Variants in FAM118B observed in about 807,000 individuals in gnomAD.
FAM118B encodes the protein SIR2 antiphage like 1, also known as protein FAM118B.
FAM118B carries 24 observed loss-of-function variants against 38.5 expected under a neutral mutation model. The ratio of observed to expected loss-of-function variants is 0.62; its 90% CI spans 0.45 to 0.88. The LOEUF (loss-of-function observed/expected upper bound fraction) is 0.88. Ranked by LOEUF, FAM118B falls within the 40% of genes least tolerant of loss-of-function variation. The pLI is 0.00. For synonymous variants in FAM118B, 138 were observed against 156.3 expected, an observed-to-expected ratio of 0.88 and a Z score of 0.87; for missense variants, 334 against 420.0, an observed-to-expected ratio of 0.80 and a Z score of 1.79.
Position 126,254,288 on chromosome 11 carries a change from A to G in FAM118B, c.568-17A>G. On this transcript the variant is annotated splice_polypyrimidine_tract_variant and intron_variant, in intron 5 of 8. Coordinates refer to ENST00000533050, the MANE Select transcript of FAM118B (RefSeq NM_024556.4). The stretch of plus-strand genomic sequence containing the variant: ...TCAGCCCTGCCAAGCTGGTTGGGCT[A>G]TATGTGTGTTGTGCAGGTCCTCGAG... The G allele has an allele frequency of 6.2e-7, 1 of 1,612,706 alleles. No homozygotes were observed. Among genetic ancestry groups the G allele is most frequent in the East Asian group, 2.2e-5 (1 of 44,864 alleles).
At position 126,220,849 on chromosome 11, in the gene FAM118B, A is replaced by G. The variant is rs547618974; in HGVS notation, c.-76-8376A>G. The stretch of plus-strand genomic sequence containing the variant: ...TTAAGAGCTTTCAGATTCTTATTTC[A>G]GATCTAAACAGTGCTTTTCAGCTCT... On this transcript the variant is annotated intron_variant, in intron 1 of 8. Coordinates refer to ENST00000533050, the MANE Select transcript of FAM118B (RefSeq NM_024556.4). Among the ~76,000 whole-genome samples the G allele has an allele frequency of 2.0e-5, 3 of 151,814 alleles. No individual in the cohort carries two copies. In the South Asian group the frequency reaches 6.2e-4, roughly 32 times the overall value.
chr11:126,246,671 G>T (rs1458120340), intron 4 of FAM118B, among the ~76,000 whole-genome samples: 1 of 151,902 alleles, frequency 6.6e-6, no homozygotes, highest in Non-Finnish European at 1.5e-5. Flanking sequence ...TGAACTCCTG[G>T]GCTCAAGTGA....
chr11:126,240,068 C>A (rs1410346213), intron 3 of FAM118B, among the ~76,000 whole-genome samples: 1 of 152,050 alleles, frequency 6.6e-6, no homozygotes, highest in Non-Finnish European at 1.5e-5. Context: ...GGGATAGTCT[C>A]CAGAATGAAA....
At chr11:126,249,731 C>CA (rs71048775) in intron 4 of FAM118B, among the ~76,000 whole-genome samples, 26,177 of 78,692 alleles carry the variant, frequency 0.33, 4,602 homozygotes, top group East Asian at 0.55. Flanking sequence ...GACTCCGTCT[C>CA]AAAAAAAAAA....
At chr11:126,261,520 T>C (rs1286339292) in intron 8 of FAM118B, 36 bp downstream of exon 8, 1 of 1,549,630 alleles carries the variant, frequency 6.5e-7, no homozygotes, top group Non-Finnish European at 8.9e-7. Context: ...TATCACTCTG[T>C]AGCAGAAAGT....
Position 126,250,851 on chromosome 11 carries a change from C to A in FAM118B, c.567+118C>A. Reference sequence around the variant, plus strand: ...AGAGCTAGAAAGGAAAAATTTTTTCCCTGGTTGGAGTTTTTGTTTTTCTTT... The same window carrying A: ...AGAGCTAGAAAGGAAAAATTTTTTCACTGGTTGGAGTTTTTGTTTTTCTTT... On this transcript the variant is annotated intron_variant, in intron 5 of 8. Transcript: ENST00000533050. This position sits in a 1 kb window ranked among gnomAD's most constrained non-coding sequence, Gnocchi z 5.1. 1 of 723,580 alleles carries A rather than the reference C, an allele frequency of 1.4e-6. No homozygotes were observed. 44.8% of individuals were successfully genotyped at this position (723,580 alleles called of 1,614,324 possible). A position where few individuals can be genotyped will look rare whatever the true frequency, so the allele number is the denominator to read the frequency against.
intron 7 of FAM118B, among the ~76,000 whole-genome samples, chr11:126,259,720 C>T (rs1184040847): frequency 2.3e-5 from 3 of 128,912 alleles, no homozygotes; most frequent in African/African-American, 3.0e-5. Context: ...CCACCATGCC[C>T]GGGCCTATTT....
In FAM118B at chr11:126,211,849, C is replaced by T. The variant is rs1159078460; in HGVS notation, c.-77+19C>T. 17 of 560,522 alleles carry T rather than the reference C, an allele frequency of 3.0e-5. No individual in the cohort carries two copies. Among genetic ancestry groups the T allele is most frequent in the Non-Finnish European group, 5.0e-5 (16 of 319,102 alleles). The allele number at this position is 560,522 out of a possible 1,614,324, so 34.7% of individuals were successfully genotyped here. A position where few individuals can be genotyped will look rare whatever the true frequency, so the allele number is the denominator to read the frequency against. ...AGACTCGGTGAGTGTGTAGGGAAGC[C>T]GGGCTGGGGCTGGGAAATGCCGGTG... On this transcript the variant is annotated intron_variant, in intron 1 of 8. Coordinates refer to ENST00000533050, the MANE Select transcript of FAM118B (RefSeq NM_024556.4).
At chr11:126,258,586 G>C (rs1453405996) in intron 7 of FAM118B, among the ~76,000 whole-genome samples, 2 of 152,126 alleles carry the variant, frequency 1.3e-5, no homozygotes, top group Non-Finnish European at 2.9e-5. Context: ...TCTCATTTGT[G>C]AAAACTATTT....
rs670154 is a variant in FAM118B, at chr11:126,253,963, A to G, written c.568-342A>G. On this transcript the variant is annotated intron_variant, in intron 5 of 8. Coordinates refer to ENST00000533050, the MANE Select transcript of FAM118B (RefSeq NM_024556.4). The surrounding 1 kb of genome is among the most constrained non-coding windows in gnomAD (Gnocchi z 5.1). ...AGAGGGGCCACACAAGGGCCTGGAT[A>G]CAGAGGCTTGATTTCTTGGGGCGAT... Among the ~76,000 whole-genome samples the G allele has an allele frequency of 0.56, 85,530 of 152,040 alleles. 24,486 individuals carry two copies. The highest frequency in any genetic ancestry group is 0.81 in the East Asian group (4,182 of 5,166).
intron 7 of FAM118B, chr11:126,261,223 G>T: frequency 3.5e-6 from 2 of 565,464 alleles, no homozygotes; most frequent in Non-Finnish European, 6.3e-6. Flanking sequence ...GAAACTCACT[G>T]CTTCCCTGTT....
rs992198382 is a variant in FAM118B at position 126,255,051 on chromosome 11, C to T, written c.696+618C>T. Among the ~76,000 whole-genome samples, 6 of 152,124 alleles carry T rather than the reference C, an allele frequency of 3.9e-5. No homozygotes were observed. The highest frequency in any genetic ancestry group is 7.3e-5 in the Non-Finnish European group (5 of 68,032). Reference sequence around the variant, plus strand: ...ATCATCATTTGGTTTATTAATAGCCCTCTCTGTGTCAGAAATAATTGAGGC... The same window carrying T: ...ATCATCATTTGGTTTATTAATAGCCTTCTCTGTGTCAGAAATAATTGAGGC... On this transcript the variant is annotated intron_variant, in intron 6 of 8. Coordinates refer to ENST00000533050, the MANE Select transcript of FAM118B (RefSeq NM_024556.4). The surrounding 1 kb of genome is among the most constrained non-coding windows in gnomAD (Gnocchi z 4.6).
chr11:126,233,709 G>C (rs1225774274), intron 2 of FAM118B: 1 of 456,390 alleles, frequency 2.2e-6, no homozygotes, highest in African/African-American at 2.0e-5. Context: ...CACTGCGTGT[G>C]ATGGACTATG....
At chr11:126,220,913 G>C (rs1030618860) in intron 1 of FAM118B, among the ~76,000 whole-genome samples, 1 of 151,942 alleles carries the variant, frequency 6.6e-6, no homozygotes, top group South Asian at 2.1e-4. Context: ...TAGGCCGGGC[G>C]CAGTGGCTCA....
intron 7 of FAM118B, among the ~76,000 whole-genome samples, chr11:126,258,069 C>T (rs1324992927): frequency 6.6e-6 from 1 of 152,138 alleles, no homozygotes; most frequent in Non-Finnish European, 1.5e-5. Flanking sequence ...TTCCTGAAAA[C>T]TTATGTAAGT....
intron 4 of FAM118B, among the ~76,000 whole-genome samples, chr11:126,246,739 T>C (rs1241293873): frequency 6.6e-6 from 1 of 152,074 alleles, no homozygotes; most frequent in Non-Finnish European, 1.5e-5. Context: ...CCATGCCAAT[T>C]TTTTGTTTCT....
In FAM118B at chr11:126,256,640, C is replaced by CT. The variant is rs1395794338; in HGVS notation, c.773dup (p.Gln259ProfsTer11). 1.1e-5 allele frequency: 17 copies of CT among 1,614,088 alleles called. No individual in the cohort carries two copies. Among genetic ancestry groups the CT allele is most frequent in the Non-Finnish European group, 1.4e-5 (16 of 1,180,042 alleles). On this transcript the variant is annotated frameshift_variant, in exon 7 of 9. Coordinates refer to ENST00000533050, the MANE Select transcript of FAM118B (RefSeq NM_024556.4). LOFTEE classifies it high-confidence loss of function. This position sits in a 1 kb window ranked among gnomAD's most constrained non-coding sequence, Gnocchi z 6.6. ...TGTGGCTGGACTGTGGATGACACCA[C>CT]TTTCCAGGCCCTTTTCTTGGAGGCT...
At position 126,244,886 on chromosome 11, in the gene FAM118B, G is replaced by T. The variant is rs1336705226; in HGVS notation, c.339+3842G>T. On this transcript the variant is annotated intron_variant, in intron 4 of 8. Coordinates refer to ENST00000533050, the MANE Select transcript of FAM118B (RefSeq NM_024556.4). This position sits in a 1 kb window ranked among gnomAD's most constrained non-coding sequence, Gnocchi z 4.5. ...AAATGAAAGAAGATCTAAATAAATG[G>T]AAAGACATGCCATGTTCCTGAATCA... 3 of 152,130 alleles carry T rather than the reference G, an allele frequency of 2.0e-5. No homozygotes were observed. The highest frequency in any genetic ancestry group is 1.9e-4 in the East Asian group (1 of 5,200). The allele number at this position is 152,130 out of a possible 1,614,324, so 9.4% of individuals were successfully genotyped here. A position where few individuals can be genotyped will look rare whatever the true frequency, so the allele number is the denominator to read the frequency against.
Position 126,255,528 on chromosome 11 carries a change from C to T in FAM118B, c.697-1039C>T, listed in dbSNP as rs76108729. ...ACATACTGATGTTCTAAGTATCAAACGCCTTTCCTTGAGCAAATCCGATGA... is the reference window on the plus strand; with the variant it reads ...ACATACTGATGTTCTAAGTATCAAATGCCTTTCCTTGAGCAAATCCGATGA... On this transcript the variant is annotated intron_variant, in intron 6 of 8. Coordinates refer to ENST00000533050, the MANE Select transcript of FAM118B (RefSeq NM_024556.4). The surrounding 1 kb of genome is among the most constrained non-coding windows in gnomAD (Gnocchi z 4.6). 2.0e-5 allele frequency among the ~76,000 whole-genome samples: 3 copies of T among 152,258 alleles called. No individual in the cohort carries two copies. Among genetic ancestry groups the T allele is most frequent in the Non-Finnish European group, 4.4e-5 (3 of 68,034 alleles).
Sources: gnomAD v4.1 joint callset for allele counts (sites outside exome capture counted in the v4.1 genomes callset) on GRCh38, gnomAD v4.1.1 for gene constraint, Gnocchi (gnomAD v3.1) non-coding constraint, MANE v1.5 for transcripts, NCBI Gene and HGNC (gene_info 2026-07-23, HGNC 2026-07-21) for gene names.